PDSS2: variants seen among roughly 807,000 people sequenced by gnomAD.
PDSS2 encodes all trans-polyprenyl-diphosphate synthase PDSS2.
In PDSS2, 31 loss-of-function variants were observed where a neutral mutation model predicts 44.5. The ratio of observed to expected loss-of-function variants is 0.70; its 90% CI spans 0.52 to 0.94. PDSS2 has a LOEUF of 0.94. PDSS2 is among the 40% of genes least tolerant of loss of function. PDSS2 has a pLI of 0.00. For missense variants in PDSS2, 452 were observed against 482.2 expected (o/e 0.94, Z 0.59); for synonymous variants, 157 against 180.3 (o/e 0.87, Z 1.03).
intron 1 of PDSS2, among the ~76,000 whole-genome samples, chr6:107,438,476 A>C (rs1781422023): frequency 6.6e-6 from 1 of 152,132 alleles, no homozygotes; most frequent in South Asian, 2.1e-4. Context: ...CGGCCTCCCA[A>C]AGTGCTGGGA....
chr6:107,196,993 C>T (rs1184265600), intron 6 of PDSS2, among the ~76,000 whole-genome samples: 2 of 152,144 alleles, frequency 1.3e-5, no homozygotes, highest in Non-Finnish European at 2.9e-5. Flanking sequence ...GAAAACTCCA[C>T]GCCCCTTCCC....
At chr6:107,177,403 C>T (rs75692260) in intron 7 of PDSS2, among the ~76,000 whole-genome samples, 1 of 152,152 alleles carries the variant, frequency 6.6e-6, no homozygotes, top group Non-Finnish European at 1.5e-5. Context: ...TCCCAAATTG[C>T]TGGGATTACA....
At chr6:107,180,349 AT>A (rs1178105024) in intron 7 of PDSS2, among the ~76,000 whole-genome samples, 1 of 152,142 alleles carries the variant, frequency 6.6e-6, no homozygotes, top group Non-Finnish European at 1.5e-5. Context: ...GACTCAAAAG[AT>A]TACCCCAATT....
At chr6:107,168,520 T>C (rs1434793293) in intron 7 of PDSS2, among the ~76,000 whole-genome samples, 4 of 151,730 alleles carry the variant, frequency 2.6e-5, no homozygotes, top group African/African-American at 9.7e-5. Flanking sequence ...CCTGTCATTA[T>C]GATGTTAGCT....
At chr6:107,271,729 A>T (rs1775605077) in intron 3 of PDSS2, among the ~76,000 whole-genome samples, 2 of 152,208 alleles carry the variant, frequency 1.3e-5, no homozygotes, top group African/African-American at 4.8e-5. Flanking sequence ...AAAAGAGGTA[A>T]GTTATTTCTG....
chr6:107,261,347 G>A (rs150904148), intron 3 of PDSS2, among the ~76,000 whole-genome samples: 1 of 152,194 alleles, frequency 6.6e-6, no homozygotes, highest in East Asian at 1.9e-4. Context: ...TGAGGTCTTG[G>A]GAGATCTGGT....
chr6:107,450,861 G>C (rs546298498), intron 1 of PDSS2, among the ~76,000 whole-genome samples: 68 of 152,302 alleles, frequency 4.5e-4, no homozygotes, highest in African/African-American at 1.6e-3. Flanking sequence ...GACAGGGACT[G>C]ACTCTGTCAC....
chr6:107,244,479 A>G (rs1562403456), intron 4 of PDSS2, among the ~76,000 whole-genome samples: 1 of 152,156 alleles, frequency 6.6e-6, no homozygotes, highest in Non-Finnish European at 1.5e-5. Flanking sequence ...ATGTCTTTGA[A>G]AGGTCCACTG....
At chr6:107,346,042 G>T (rs1167731051) in intron 1 of PDSS2, among the ~76,000 whole-genome samples, 2 of 152,216 alleles carry the variant, frequency 1.3e-5, no homozygotes, top group Admixed American at 1.3e-4. Context: ...AGCAGAGCTA[G>T]CAAAGAGGAT....
intron 7 of PDSS2, among the ~76,000 whole-genome samples, chr6:107,185,123 T>TAAAA (rs11317647): frequency 2.7e-4 from 24 of 88,730 alleles, no homozygotes; most frequent in African/African-American, 4.7e-4. Flanking sequence ...ACCTTATATC[T>TAAAA]AAAAAAAAAA....
intron 2 of PDSS2, among the ~76,000 whole-genome samples, chr6:107,308,353 T>C (rs925703796): frequency 6.6e-6 from 1 of 152,248 alleles, no homozygotes; most frequent in Non-Finnish European, 1.5e-5. Flanking sequence ...GAATATCTAC[T>C]ATGTGTTAGA....
At chr6:107,426,258 C>T (rs1780999520) in intron 1 of PDSS2, among the ~76,000 whole-genome samples, 1 of 152,204 alleles carries the variant, frequency 6.6e-6, no homozygotes, top group Admixed American at 6.5e-5. Context: ...TGAGCTGTGG[C>T]TTCAGAGGGT....
chr6:107,434,046 T>G (rs559177731), intron 1 of PDSS2, among the ~76,000 whole-genome samples: 22 of 152,190 alleles, frequency 1.4e-4, no homozygotes, highest in African/African-American at 3.4e-4. Context: ...AAATCAAAAC[T>G]ACAACGAGAT....
At chr6:107,445,093 G>T (rs534534659) in intron 1 of PDSS2, among the ~76,000 whole-genome samples, 1 of 152,114 alleles carries the variant, frequency 6.6e-6, no homozygotes, top group Admixed American at 6.5e-5. Context: ...ATTGGTCACT[G>T]CCTGTGAAAC....
intron 2 of PDSS2, among the ~76,000 whole-genome samples, chr6:107,333,591 G>A (rs1777780028): frequency 6.6e-6 from 1 of 152,130 alleles, no homozygotes; most frequent in Non-Finnish European, 1.5e-5. Flanking sequence ...CTGGAGGGCA[G>A]TGACACGATT....
At chr6:107,358,805 C>T (rs145334656) in intron 1 of PDSS2, among the ~76,000 whole-genome samples, 7 of 151,988 alleles carry the variant, frequency 4.6e-5, no homozygotes, top group Non-Finnish European at 1.0e-4. Context: ...TAACCTTTAC[C>T]CACTAGATGC....
chr6:107,275,434 G>A (rs998946597), intron 2 of PDSS2, among the ~76,000 whole-genome samples: 1 of 152,006 alleles, frequency 6.6e-6, no homozygotes, highest in Admixed American at 6.6e-5. Flanking sequence ...CATGTCTTTT[G>A]GTTTCCAAGC....
intron 1 of PDSS2, among the ~76,000 whole-genome samples, chr6:107,340,010 G>C (rs1332222464): frequency 6.6e-6 from 1 of 150,478 alleles, no homozygotes; most frequent in Admixed American, 6.6e-5. Flanking sequence ...GGAGTATGAG[G>C]AACCCAATTA....
chr6:107,293,997 T>C (rs1776429140), intron 2 of PDSS2, among the ~76,000 whole-genome samples: 2 of 152,116 alleles, frequency 1.3e-5, no homozygotes, highest in African/African-American at 4.8e-5. Context: ...TTTTCTCTCC[T>C]TTAGAGAGCA....
Sources: allele counts gnomAD v4.1 joint callset (sites outside exome capture counted in the v4.1 genomes callset), GRCh38; gene constraint gnomAD v4.1.1; transcripts MANE v1.5; gene names NCBI Gene and HGNC (gene_info 2026-07-23, HGNC 2026-07-21).